Variants in PKHD1 observed in about 807,000 individuals in gnomAD.
The protein encoded by PKHD1 is fibrocystin.
PKHD1 carries 291 observed loss-of-function variants against 412.0 expected under a neutral mutation model. The ratio of observed to expected loss-of-function variants is 0.71; its 90% confidence interval spans 0.64 to 0.78. The LOEUF (loss-of-function observed/expected upper bound fraction) is 0.78, where lower values mean the gene tolerates loss of function less well. Ranked by LOEUF, PKHD1 falls within the 30% of genes least tolerant of loss-of-function variation. PKHD1 has a pLI of 0.00. For synonymous variants in PKHD1, 1,777 were observed against 1,821.5 expected (o/e 0.98, Z 0.62); for missense variants, 4,825 against 4,950.7 (o/e 0.97, Z 0.76).
At chr6:51,652,900 C>T (rs1479612660) in intron 61 of PKHD1, among the ~76,000 whole-genome samples, 1 of 151,916 alleles carries the variant, frequency 6.6e-6, no homozygotes, top group East Asian at 1.9e-4. Flanking sequence ...TTTAAATAGG[C>T]TAGATAAGGC....
At chr6:51,630,520 A>C (rs1767798805) in intron 65 of PKHD1, among the ~76,000 whole-genome samples, 1 of 152,182 alleles carries the variant, frequency 6.6e-6, no homozygotes, top group Admixed American at 6.6e-5. Context: ...TAAATTTAAA[A>C]TTTTCTGTTT....
At chr6:51,937,129 T>C (rs996979869) in intron 36 of PKHD1, among the ~76,000 whole-genome samples, 3 of 152,192 alleles carry the variant, frequency 2.0e-5, no homozygotes, top group Non-Finnish European at 2.9e-5. Context: ...ACCCAGACAC[T>C]CCCTTCTGTT....
In PKHD1 at chr6:51,911,965, A is replaced by G; in HGVS notation, c.6333-9T>C. ...TAAAGTTGTGAGAATATCTGGAGAA[A>G]AAAAGAGGATGATAGAACTGAGGAC... On this transcript the variant is annotated splice_polypyrimidine_tract_variant and intron_variant, in intron 38 of 66. Transcript: ENST00000371117. 6.3e-7 allele frequency: 1 copy of G among 1,597,222 alleles called. No homozygotes were observed. Among genetic ancestry groups the G allele is most frequent in the Non-Finnish European group, 8.5e-7 (1 of 1,175,492 alleles).
intron 60 of PKHD1, among the ~76,000 whole-genome samples, chr6:51,739,431 A>C (rs1026980765): frequency 3.9e-5 from 6 of 152,060 alleles, no homozygotes; most frequent in Non-Finnish European, 5.9e-5. Flanking sequence ...GATTTTCATC[A>C]CATTGGCCAT....
At chr6:52,014,154 T>C (rs1800157695) in intron 34 of PKHD1, among the ~76,000 whole-genome samples, 1 of 152,244 alleles carries the variant, frequency 6.6e-6, no homozygotes, top group African/African-American at 2.4e-5. Context: ...CTTCTCAGTC[T>C]ACTCCCACCC....
intron 60 of PKHD1, among the ~76,000 whole-genome samples, chr6:51,733,230 GA>G (rs1783434488): frequency 6.6e-6 from 1 of 152,082 alleles, no homozygotes; most frequent in Non-Finnish European, 1.5e-5. Flanking sequence ...TAATACCACT[GA>G]ACTGTACACT....
intron 35 of PKHD1, among the ~76,000 whole-genome samples, chr6:51,967,883 A>C (rs908306262): frequency 6.6e-6 from 1 of 152,178 alleles, no homozygotes. Context: ...ACAACATGTT[A>C]TTTCCCCATG....
rs181741077 is a variant in PKHD1, at chr6:51,791,252, G to A, written c.8424C>T (p.Gly2808=). 8.1e-6 allele frequency: 13 copies of A among 1,613,758 alleles called. No homozygotes were observed. Among genetic ancestry groups the A allele is most frequent in the South Asian group, 5.5e-5 (5 of 91,062 alleles). Residue 2808 remains glycine, a synonymous_variant, in exon 53 of 67, where the codon GGC becomes GGT. Coordinates refer to ENST00000371117, the MANE Select transcript of PKHD1 (RefSeq NM_138694.4). ...TTTACTCACCAACTTTCAGCTCCCC[G>A]CCTGCAATGACCATGCATGCCACAC... ...VLSVACMVIA[G]GELKVGTLEN... is the part of the protein sequence containing the mutation.
intron 36 of PKHD1, among the ~76,000 whole-genome samples, chr6:51,938,522 AC>A (rs1277875160): frequency 1.2e-5 from 1 of 82,274 alleles, no homozygotes; most frequent in Non-Finnish European, 2.4e-5. Context: ...CCAGAGAACA[AC>A]CCCCCTTTTT....
At chr6:51,902,223 TAGAA>T (rs1414741633) in intron 43 of PKHD1, among the ~76,000 whole-genome samples, 1 of 152,168 alleles carries the variant, frequency 6.6e-6, no homozygotes, top group Non-Finnish European at 1.5e-5. Flanking sequence ...CTTACAGACA[TAGAA>T]AGGGCACATA....
chr6:51,971,758 G>T lies in PKHD1; in HGVS notation c.5752-11732C>A, dbSNP rs137997243. On this transcript the variant is annotated intron_variant, in intron 35 of 66. Coordinates refer to ENST00000371117, the MANE Select transcript of PKHD1 (RefSeq NM_138694.4). Reference sequence around the variant, plus strand: ...GTTTTGTTTTGTTTTTTGAGACAGGGTTTTACTCTGCACCCAGGCTGGAAT... The same window carrying T: ...GTTTTGTTTTGTTTTTTGAGACAGGTTTTTACTCTGCACCCAGGCTGGAAT... Among the ~76,000 whole-genome samples, 9 of 151,140 alleles carry T rather than the reference G, an allele frequency of 6.0e-5. No homozygotes were observed. The East Asian group carries it at 1.6e-3, about 26-fold the overall frequency.
At position 52,046,050 on chromosome 6, in the gene PKHD1, G is replaced by T. The variant is rs759247308; in HGVS notation, c.2546C>A (p.Thr849Asn). ...DLYTCYEHVW[T>N]LSWSTQIGDL... ...CCCAATCTGAGTGGACCAGGACAAGGTCCACACGTGTTCGTAGCAAGTGTA... is the reference window on the plus strand; with the variant it reads ...CCCAATCTGAGTGGACCAGGACAAGTTCCACACGTGTTCGTAGCAAGTGTA... Residue 849 changes from threonine (T) to asparagine (N), a missense_variant, in exon 24 of 67, where the codon ACC becomes AAC. Transcript: ENST00000371117. 1.9e-6 allele frequency: 3 copies of T among 1,613,750 alleles called. No individual in the cohort carries two copies. Among genetic ancestry groups the T allele is most frequent in the Non-Finnish European group, 2.5e-6 (3 of 1,179,728 alleles).
At chr6:52,001,010 G>A (rs1265504880) in intron 35 of PKHD1, among the ~76,000 whole-genome samples, 3 of 152,040 alleles carry the variant, frequency 2.0e-5, no homozygotes, top group Non-Finnish European at 4.4e-5. Flanking sequence ...TTTGCAGAGT[G>A]TACAGTTTCA....
At chr6:51,786,345 G>A (rs774192424) in intron 53 of PKHD1, among the ~76,000 whole-genome samples, 1 of 152,022 alleles carries the variant, frequency 6.6e-6, no homozygotes, top group Non-Finnish European at 1.5e-5. Context: ...ACTCCCTGAC[G>A]ATTTCTTTCC....
intron 60 of PKHD1, among the ~76,000 whole-genome samples, chr6:51,732,122 T>C (rs1307591950): frequency 2.6e-5 from 4 of 152,146 alleles, no homozygotes; most frequent in Non-Finnish European, 5.9e-5. Context: ...TTAAATATAT[T>C]GAGCTGTTTC....
chr6:52,073,502 C>A lies in PKHD1; in HGVS notation c.488G>T (p.Arg163Ile), dbSNP rs932913425. ...AGCATCAAAATCAAAAGTTTCCAAT[C>A]TTCCAGTGATAATCCAGCCATATAC... ...IHVYGWIITG[R>I]LETFDFDAEY... The change falls in exon 7 of 67, where the codon AGA becomes ATA. Residue 163 changes from arginine to isoleucine, a missense_variant. Transcript: ENST00000371117. 4 of 1,609,378 alleles carry A rather than the reference C, an allele frequency of 2.5e-6. No individual in the cohort carries two copies. The Admixed American group carries it at 5.0e-5, about 20-fold the overall frequency.
At chr6:52,005,476 C>T (rs543445613) in intron 35 of PKHD1, among the ~76,000 whole-genome samples, 10 of 152,318 alleles carry the variant, frequency 6.6e-5, no homozygotes, top group Admixed American at 3.9e-4. Context: ...TGCTGCCTTG[C>T]GCATGCTGGT....
chr6:52,031,198 A>G (rs10948666), intron 29 of PKHD1, among the ~76,000 whole-genome samples: 64,478 of 152,114 alleles, frequency 0.42, 15,430 homozygotes, highest in Admixed American at 0.56. Context: ...AACTGAAGAT[A>G]AAAGAAGTTA....
At chr6:51,776,919 A>T (rs1480256340) in intron 53 of PKHD1, among the ~76,000 whole-genome samples, 1 of 152,106 alleles carries the variant, frequency 6.6e-6, no homozygotes, top group Non-Finnish European at 1.5e-5. Context: ...GGAATTTGTC[A>T]AATTAGCGTT....
Sources: gnomAD v4.1 joint callset for allele counts (sites outside exome capture counted in the v4.1 genomes callset) on GRCh38, gnomAD v4.1.1 for gene constraint, MANE v1.5 for transcripts, NCBI Gene and HGNC (gene_info 2026-07-23, HGNC 2026-07-21) for gene names.